Variants in LRMDA observed in about 807,000 individuals in gnomAD.
LRMDA encodes leucine-rich melanocyte differentiation-associated protein.
LRMDA carries 18 observed loss-of-function variants against 29.8 expected under a neutral mutation model. The observed-to-expected ratio is 0.60, with a 90% CI of 0.42 to 0.90. LRMDA has a LOEUF of 0.90. Ranked by LOEUF, LRMDA falls within the 40% of genes least tolerant of loss-of-function variation. LRMDA has a pLI of 0.00. For synonymous variants in LRMDA, 125 were observed against 109.4 expected (o/e 1.14, Z -0.89); for missense variants, 273 against 273.9 (o/e 1.00, Z 0.02).
intron 2 of LRMDA, among the ~76,000 whole-genome samples, chr10:75,575,382 CA>C (rs1401867542): frequency 2.0e-5 from 3 of 152,168 alleles, no homozygotes; most frequent in African/African-American, 7.2e-5. Context: ...TCCAGAGTCT[CA>C]TTTGAGACAA....
At position 75,749,625 on chromosome 10, in the gene LRMDA, CTTTT is replaced by C. The variant is rs76643743; in HGVS notation, c.132-286370_132-286367del. Among the ~76,000 whole-genome samples, 654 of 128,782 alleles carry C rather than the reference CTTTT, an allele frequency of 5.1e-3. 3 individuals are homozygous for C. The highest frequency in any genetic ancestry group is 0.017 in the African/African-American group (610 of 35,162). The allele number at this position is 128,782 out of a possible 152,430, so 84.5% of individuals were successfully genotyped here. On this transcript the variant is annotated intron_variant, in intron 2 of 6. Transcript: ENST00000611255. Reference sequence around the variant, plus strand: ...AAAAAGCACCAGTCAAATATAGAAACTTTTTTTTTTTTTTTTAGTATTTATTGAT... The same window carrying C: ...AAAAAGCACCAGTCAAATATAGAAACTTTTTTTTTTTTAGTATTTATTGAT...
intron 6 of LRMDA, among the ~76,000 whole-genome samples, chr10:76,364,803 C>G (rs1484850870): frequency 1.3e-5 from 2 of 151,450 alleles, no homozygotes; most frequent in African/African-American, 4.9e-5. Flanking sequence ...CACCCATCAC[C>G]CATGTATACA....
intron 2 of LRMDA, among the ~76,000 whole-genome samples, chr10:75,854,655 T>C (rs1023019630): frequency 6.6e-6 from 1 of 152,116 alleles, no homozygotes; most frequent in Non-Finnish European, 1.5e-5. Flanking sequence ...GCCATGTTGG[T>C]GTGCTGCACC....
At chr10:75,954,212 A>G (rs909136589) in intron 2 of LRMDA, among the ~76,000 whole-genome samples, 2 of 152,120 alleles carry the variant, frequency 1.3e-5, no homozygotes, top group Admixed American at 6.5e-5. Context: ...GAGAGCACAG[A>G]CATGTGGGGA....
chr10:75,560,490 T>G (rs998989323), intron 2 of LRMDA, among the ~76,000 whole-genome samples: 2 of 151,652 alleles, frequency 1.3e-5, no homozygotes, highest in Non-Finnish European at 2.9e-5. Flanking sequence ...CAGGGACAAT[T>G]TGACTTCCTC....
chr10:76,479,747 G>A (rs1842717322), intron 6 of LRMDA, among the ~76,000 whole-genome samples: 1 of 152,024 alleles, frequency 6.6e-6, no homozygotes, highest in Non-Finnish European at 1.5e-5. Flanking sequence ...CCTAAAAAGA[G>A]TATGACGGGT....
intron 2 of LRMDA, among the ~76,000 whole-genome samples, chr10:75,699,107 A>G (rs1398665601): frequency 6.6e-6 from 1 of 151,840 alleles, no homozygotes; most frequent in African/African-American, 2.4e-5. Context: ...AGGTGGAGGT[A>G]GGAGAATCAC....
intron 2 of LRMDA, among the ~76,000 whole-genome samples, chr10:75,876,849 T>C (rs1020113186): frequency 6.6e-6 from 1 of 152,208 alleles, no homozygotes; most frequent in African/African-American, 2.4e-5. Context: ...GCCCTTTTCA[T>C]GAGTGCCTCC....
intron 2 of LRMDA, among the ~76,000 whole-genome samples, chr10:75,789,586 T>C (rs1451162970): frequency 1.3e-5 from 2 of 152,242 alleles, no homozygotes; most frequent in Non-Finnish European, 2.9e-5. Context: ...GTGTATATTA[T>C]AAATATATTT....
intron 5 of LRMDA, among the ~76,000 whole-genome samples, chr10:76,112,455 G>T (rs1264223491): frequency 6.6e-6 from 1 of 152,180 alleles, no homozygotes; most frequent in Non-Finnish European, 1.5e-5. Flanking sequence ...TCAGGGTTCC[G>T]CTCGCCTCTT....
chr10:75,640,606 A>G lies in LRMDA; in HGVS notation c.131+202112A>G, dbSNP rs553809214. Among the ~76,000 whole-genome samples the G allele has an allele frequency of 7.5e-4, 114 of 152,270 alleles. 1 individual carries two copies. The highest frequency in any genetic ancestry group is 2.5e-3 in the African/African-American group (103 of 41,554). On this transcript the variant is annotated intron_variant, in intron 2 of 6. Coordinates refer to ENST00000611255, the MANE Select transcript of LRMDA (RefSeq NM_001305581.2). ...ACCAAAGTGATGTGCAGGGGGGAAA[A>G]TAAATCAGGGAGGGAAATAAATTAG... is the stretch of plus-strand genomic sequence containing the variant.
intron 2 of LRMDA, among the ~76,000 whole-genome samples, chr10:76,034,490 T>A (rs928473435): frequency 1.5e-4 from 23 of 152,062 alleles, no homozygotes; most frequent in Admixed American, 2.0e-4. Context: ...GAGTCCTGAG[T>A]GGGACCACCC....
intron 2 of LRMDA, among the ~76,000 whole-genome samples, chr10:75,871,450 C>T (rs1845109231): frequency 1.3e-5 from 2 of 152,198 alleles, no homozygotes; most frequent in Admixed American, 6.5e-5. Flanking sequence ...CAGCCTCTTA[C>T]CTTTCATGCA....
chr10:75,702,294 A>G (rs570336924), intron 2 of LRMDA, among the ~76,000 whole-genome samples: 2 of 152,322 alleles, frequency 1.3e-5, no homozygotes, highest in East Asian at 3.9e-4. Flanking sequence ...TGGGCACATG[A>G]TAAGTGCTCA....
At chr10:76,126,529 G>T (rs1432583159) in intron 5 of LRMDA, among the ~76,000 whole-genome samples, 2 of 152,132 alleles carry the variant, frequency 1.3e-5, no homozygotes, top group Admixed American at 6.5e-5. Flanking sequence ...CGCTCCTGCT[G>T]GGGTCTTTCA....
At chr10:75,486,434 A>G (rs556466309) in intron 2 of LRMDA, among the ~76,000 whole-genome samples, 2 of 152,222 alleles carry the variant, frequency 1.3e-5, no homozygotes, top group East Asian at 3.9e-4. Context: ...TATGCTAAGA[A>G]CTCCAGATTC....
At chr10:76,216,884 G>A (rs1387547211) in intron 5 of LRMDA, among the ~76,000 whole-genome samples, 1 of 152,192 alleles carries the variant, frequency 6.6e-6, no homozygotes, top group African/African-American at 2.4e-5. Context: ...CTACCAATGA[G>A]TGAATGAATG....
intron 2 of LRMDA, among the ~76,000 whole-genome samples, chr10:75,597,310 C>T (rs959156652): frequency 5.9e-5 from 9 of 152,156 alleles, no homozygotes; most frequent in African/African-American, 2.2e-4. Context: ...GGAGGTGGGG[C>T]TATGGACACA....
At chr10:75,749,483 T>A (rs1008880303) in intron 2 of LRMDA, among the ~76,000 whole-genome samples, 1 of 152,176 alleles carries the variant, frequency 6.6e-6, no homozygotes, top group African/African-American at 2.4e-5. Context: ...CACATATATA[T>A]CTGTATATGT....
Sources: allele counts gnomAD v4.1 joint callset (sites outside exome capture counted in the v4.1 genomes callset), GRCh38; gene constraint gnomAD v4.1.1; transcripts MANE v1.5; gene names NCBI Gene and HGNC (gene_info 2026-07-23, HGNC 2026-07-21).